Variants in BICRAL observed in about 807,000 individuals in gnomAD.
BICRAL encodes the protein BRD4-interacting chromatin-remodeling complex-associated protein-like.
A neutral mutation model predicts 91.8 loss-of-function variants in BICRAL; 8 were observed. That is an observed-to-expected ratio of 0.09 (90% CI 0.05 to 0.16). BICRAL has a LOEUF of 0.16. Ranked by LOEUF, BICRAL falls within the 10% of genes least tolerant of loss-of-function variation. BICRAL has a pLI of 1.00. For missense variants in BICRAL, 1,038 were observed against 1,310.9 expected, an observed-to-expected ratio of 0.79 and a Z score of 3.21; for synonymous variants, 445 against 491.1, an observed-to-expected ratio of 0.91 and a Z score of 1.24.
At chr6:42,817,053 C>A (rs1764014715) in intron 2 of BICRAL, among the ~76,000 whole-genome samples, 2 of 152,016 alleles carry the variant, frequency 1.3e-5, no homozygotes, top group South Asian at 4.2e-4. Flanking sequence ...CCTCTGTTCC[C>A]CAGTCACCCT....
At chr6:42,814,832 A>C (rs1322796173) in intron 2 of BICRAL, among the ~76,000 whole-genome samples, 1 of 151,952 alleles carries the variant, frequency 6.6e-6, no homozygotes. Context: ...CAGATAAAGG[A>C]GGAAACAAAA....
Position 42,793,122 on chromosome 6 carries a change from A to ATTTTTTTTTTTTTT in BICRAL, c.-102+11047_-102+11060dup, listed in dbSNP as rs1159342197. Among the ~76,000 whole-genome samples, 6 of 37,254 alleles carry ATTTTTTTTTTTTTT rather than the reference A, an allele frequency of 1.6e-4. 1 individual carries two copies. Among genetic ancestry groups the ATTTTTTTTTTTTTT allele is most frequent in the Non-Finnish European group, 2.9e-4 (6 of 20,498 alleles). 24.4% of individuals were successfully genotyped at this position (37,254 alleles called of 152,430 possible). ...AAGCGCATGCCACCATGCCCAGCTA[A>ATTTTTTTTTTTTTT]TTTTTTTTTTTTTTTTTTTTTTTTT... On this transcript the variant is annotated intron_variant, in intron 1 of 12. Transcript: ENST00000314073.
At chr6:42,774,483 C>G (rs1456086085) in intron 1 of BICRAL, among the ~76,000 whole-genome samples, 1 of 152,212 alleles carries the variant, frequency 6.6e-6, no homozygotes, top group East Asian at 1.9e-4. Flanking sequence ...AATATCCTTT[C>G]AGAGCATCAG....
intron 6 of BICRAL, among the ~76,000 whole-genome samples, chr6:42,844,547 AGGG>A (rs1481783574): frequency 0.065 from 5,055 of 77,304 alleles, 1,017 homozygotes; most frequent in African/African-American, 0.21. Flanking sequence ...AAAAAAAAAG[AGGG>A]TGTTGCAGAA....
At chr6:42,813,813 G>T (rs1459433590) in intron 2 of BICRAL, among the ~76,000 whole-genome samples, 1 of 151,990 alleles carries the variant, frequency 6.6e-6, no homozygotes, top group Non-Finnish European at 1.5e-5. Flanking sequence ...GAGCCACCGT[G>T]CCCATCTCAC....
intron 11 of BICRAL, among the ~76,000 whole-genome samples, chr6:42,861,098 T>C (rs1209350667): frequency 6.6e-6 from 1 of 151,896 alleles, no homozygotes; most frequent in Non-Finnish European, 1.5e-5. Flanking sequence ...TGCACTCCAG[T>C]CTGGGCAACA....
intron 6 of BICRAL, among the ~76,000 whole-genome samples, chr6:42,846,897 T>A (rs1312047245): frequency 6.6e-6 from 1 of 152,198 alleles, no homozygotes; most frequent in African/African-American, 2.4e-5. Context: ...TTCAAAAACA[T>A]GTTGAAAAGC....
chr6:42,753,182 C>G (rs1237847136), intron 1 of BICRAL, among the ~76,000 whole-genome samples: 1 of 152,018 alleles, frequency 6.6e-6, no homozygotes, highest in Non-Finnish European at 1.5e-5. Flanking sequence ...CCACCTCACC[C>G]TCCCAAGGTG....
At chr6:42,764,271 G>T (rs1762601721) in intron 1 of BICRAL, among the ~76,000 whole-genome samples, 1 of 151,660 alleles carries the variant, frequency 6.6e-6, no homozygotes, top group Admixed American at 6.6e-5. Flanking sequence ...ATGTCTGTCG[G>T]GCACAGTGGC....
intron 1 of BICRAL, among the ~76,000 whole-genome samples, chr6:42,806,182 C>T (rs1181416682): frequency 3.3e-5 from 5 of 152,124 alleles, no homozygotes; most frequent in African/African-American, 9.7e-5. Context: ...GAGTTGGAGC[C>T]TCAGTTTGTG....
intron 2 of BICRAL, among the ~76,000 whole-genome samples, chr6:42,819,899 T>C (rs1195374422): frequency 1.3e-5 from 2 of 152,180 alleles, no homozygotes; most frequent in Non-Finnish European, 2.9e-5. Flanking sequence ...ATGCTGCTGA[T>C]AGGGGGTAGA....
chr6:42,845,199 T>G lies in BICRAL; in HGVS notation c.1840-6893T>G, dbSNP rs1582867068. On this transcript the variant is annotated intron_variant, in intron 6 of 12. Coordinates refer to ENST00000314073, the MANE Select transcript of BICRAL (RefSeq NM_001393499.1). Reference sequence around the variant, plus strand: ...TCTGTTTTTTGTTTTTTGGGTGTTTTTTTTTTTTTTTTTTTTTTTTTTTTT... The same window carrying G: ...TCTGTTTTTTGTTTTTTGGGTGTTTGTTTTTTTTTTTTTTTTTTTTTTTTT... 1.1e-3 allele frequency among the ~76,000 whole-genome samples: 14 copies of G among 12,910 alleles called. 1 individual carries two copies. The highest frequency in any genetic ancestry group is 0.014 in the Middle Eastern group (1 of 72). The allele number at this position is 12,910 out of a possible 152,430, so 8.5% of individuals were successfully genotyped here.
At chr6:42,841,183 AT>A (rs70990150) in intron 6 of BICRAL, among the ~76,000 whole-genome samples, 1,461 of 80,674 alleles carry the variant, frequency 0.018, 7 homozygotes, top group East Asian at 0.071. Flanking sequence ...ACTCTTGAAT[AT>A]TTTTTTTTTT....
chr6:42,857,329 T>C (rs1231718695), intron 10 of BICRAL, 93 bp downstream of exon 10: 1 of 993,866 alleles, frequency 1.0e-6, no homozygotes. Context: ...CACCCCCAGA[T>C]GGTAGGCAGG....
chr6:42,754,982 G>A (rs540661947), intron 1 of BICRAL, among the ~76,000 whole-genome samples: 1 of 152,364 alleles, frequency 6.6e-6, no homozygotes, highest in Admixed American at 6.5e-5. Context: ...TTATAGAAAA[G>A]GAAAAGGGGA....
Position 42,857,288 on chromosome 6 carries a change from T to C in BICRAL, c.2254+52T>C. ...CACTCTGATACCAGGAAACCCTCCA[T>C]GGACACCCCCCAGAAAAGCAAGAGC... On this transcript the variant is annotated intron_variant, in intron 10 of 12. Transcript: ENST00000314073. The C allele has an allele frequency of 2.0e-6, 3 of 1,493,602 alleles. No individual in the cohort carries two copies. The South Asian group carries it at 3.6e-5, about 18-fold the overall frequency. 92.5% of individuals were successfully genotyped at this position (1,493,602 alleles called of 1,614,324 possible). A position where few individuals can be genotyped will look rare whatever the true frequency, so the allele number is the denominator to read the frequency against.
In BICRAL at chr6:42,776,585, C is replaced by T. The variant is rs148188079; in HGVS notation, c.-260-5254C>T. ...CTGGTCTCAAACTCCTGGGCTCAAG[C>T]GACCCTCCTGCCTCAGCCTCCCAAA... On this transcript the variant is annotated intron_variant, in intron 1 of 14. Transcript: ENST00000614467. 4.3e-3 allele frequency among the ~76,000 whole-genome samples: 650 copies of T among 151,526 alleles called. 3 individuals are homozygous for T. The highest frequency in any genetic ancestry group is 0.015 in the African/African-American group (609 of 41,270).
At chr6:42,799,602 C>G (rs563304178) in intron 1 of BICRAL, among the ~76,000 whole-genome samples, 185 of 152,080 alleles carry the variant, frequency 1.2e-3, no homozygotes, top group Non-Finnish European at 2.2e-3. Context: ...CCCATCACCA[C>G]CATTCTTTTC....
At chr6:42,838,732 G>A (rs966479808) in intron 6 of BICRAL, among the ~76,000 whole-genome samples, 2 of 152,040 alleles carry the variant, frequency 1.3e-5, no homozygotes, top group Non-Finnish European at 2.9e-5. Flanking sequence ...AGGCAGAGGC[G>A]GGCAGATCAC....
Sources: gnomAD v4.1 joint callset for allele counts (sites outside exome capture counted in the v4.1 genomes callset) on GRCh38, gnomAD v4.1.1 for gene constraint, MANE v1.5 for transcripts, NCBI Gene and HGNC (gene_info 2026-07-23, HGNC 2026-07-21) for gene names.